The following ZNF385B variants were observed in gnomAD, a reference collection of about 807,000 sequenced individuals.
ZNF385B encodes zinc finger protein 385B, also known as zinc finger protein 533.
A neutral mutation model predicts 39.2 loss-of-function variants in ZNF385B; 23 were observed. The observed-to-expected ratio is 0.59, with a 90% CI of 0.42 to 0.83. The LOEUF is 0.83. Among genes scored for constraint, ZNF385B ranks in the 40% least tolerant of loss-of-function variants. The pLI, the probability that ZNF385B is intolerant of heterozygous loss-of-function variation, is 0.00. For synonymous variants in ZNF385B, 205 were observed against 222.6 expected, an observed-to-expected ratio of 0.92 and a Z score of 0.70; for missense variants, 552 against 598.9, an observed-to-expected ratio of 0.92 and a Z score of 0.82.
intron 3 of ZNF385B, among the ~76,000 whole-genome samples, chr2:179,659,533 G>A (rs1028056042): frequency 6.6e-6 from 1 of 151,498 alleles, no homozygotes; most frequent in African/African-American, 2.4e-5. Flanking sequence ...ATTTTATATT[G>A]TATAATATAC....
chr2:179,598,112 C>T (rs1688136845), intron 3 of ZNF385B, among the ~76,000 whole-genome samples: 1 of 152,020 alleles, frequency 6.6e-6, no homozygotes, highest in South Asian at 2.1e-4. Flanking sequence ...AGGATGAAGA[C>T]ATACTCAATG....
At chr2:179,822,496 C>T (rs1707458027) in intron 1 of ZNF385B, among the ~76,000 whole-genome samples, 2 of 152,124 alleles carry the variant, frequency 1.3e-5, no homozygotes, top group African/African-American at 4.8e-5. Context: ...GCAACATAGA[C>T]CTTGGTGGTC....
At chr2:179,746,389 T>C (rs565247922) in intron 3 of ZNF385B, among the ~76,000 whole-genome samples, 1 of 152,226 alleles carries the variant, frequency 6.6e-6, no homozygotes, top group East Asian at 1.9e-4. Context: ...CTATGACAAT[T>C]ATAACAAAAA....
intron 1 of ZNF385B, among the ~76,000 whole-genome samples, chr2:179,809,217 T>TAG (rs1157301400): frequency 6.6e-6 from 1 of 152,170 alleles, no homozygotes; most frequent in Non-Finnish European, 1.5e-5. Flanking sequence ...AAAAGTAATC[T>TAG]AATCTGAGAT....
chr2:179,860,525 G>T (rs1309932905), intron 1 of ZNF385B, among the ~76,000 whole-genome samples: 1 of 152,002 alleles, frequency 6.6e-6, no homozygotes, highest in Non-Finnish European at 1.5e-5. Flanking sequence ...GCGCTTAGTG[G>T]CCGAGGCCGC....
intron 1 of ZNF385B, among the ~76,000 whole-genome samples, chr2:179,812,973 A>C (rs989945717): frequency 1.3e-5 from 2 of 152,130 alleles, no homozygotes; most frequent in African/African-American, 2.4e-5. Context: ...AATAGTTTCC[A>C]TATTTTTATA....
At chr2:179,473,087 G>T (rs2052973680) in intron 6 of ZNF385B, among the ~76,000 whole-genome samples, 1 of 152,134 alleles carries the variant, frequency 6.6e-6, no homozygotes, top group Admixed American at 6.5e-5. Flanking sequence ...AGAGTGCCAG[G>T]GGCTGCAGGG....
At chr2:179,665,308 A>G (rs1695001317) in intron 3 of ZNF385B, among the ~76,000 whole-genome samples, 1 of 152,210 alleles carries the variant, frequency 6.6e-6, no homozygotes, top group Non-Finnish European at 1.5e-5. Context: ...TAATCTTTTC[A>G]CCTGTAGTAT....
intron 3 of ZNF385B, among the ~76,000 whole-genome samples, chr2:179,601,147 A>T (rs955233918): frequency 2.0e-5 from 3 of 152,208 alleles, no homozygotes; most frequent in African/African-American, 7.2e-5. Context: ...CAAACCTTTG[A>T]AATATATACA....
At chr2:179,807,344 T>C (rs1252567614) in intron 1 of ZNF385B, among the ~76,000 whole-genome samples, 1 of 152,176 alleles carries the variant, frequency 6.6e-6, no homozygotes, top group Non-Finnish European at 1.5e-5. Context: ...ACATCTATAA[T>C]CCCAGCACTT....
At chr2:179,522,174 G>A (rs956616643) in intron 4 of ZNF385B, among the ~76,000 whole-genome samples, 9 of 152,080 alleles carry the variant, frequency 5.9e-5, no homozygotes, top group Admixed American at 2.6e-4. Flanking sequence ...ACAAATACTC[G>A]AGTCATTTCA....
At position 179,630,426 on chromosome 2, in the gene ZNF385B, G is replaced by A. The variant is rs149479841; in HGVS notation, c.299-85457C>T. On this transcript the variant is annotated intron_variant, in intron 3 of 9. Coordinates refer to ENST00000410066, the MANE Select transcript of ZNF385B (RefSeq NM_152520.6). ...AAATGCCAACAGATCTGCAGCTGAG[G>A]GACCTGACTATTAGAAGGAAAACTA... Among the ~76,000 whole-genome samples, 946 of 152,286 alleles carry A rather than the reference G, an allele frequency of 6.2e-3. 8 individuals carry two copies. The highest frequency in any genetic ancestry group is 0.022 in the African/African-American group (914 of 41,564).
At chr2:179,493,175 T>A (rs543909023) in intron 5 of ZNF385B, among the ~76,000 whole-genome samples, 1 of 152,092 alleles carries the variant, frequency 6.6e-6, no homozygotes, top group Non-Finnish European at 1.5e-5. Context: ...TCAATGTGAA[T>A]TGTTTTAATT....
chr2:179,779,438 A>G (rs1420790433), intron 1 of ZNF385B, among the ~76,000 whole-genome samples: 4 of 152,252 alleles, frequency 2.6e-5, no homozygotes, highest in Non-Finnish European at 5.9e-5. Flanking sequence ...AGGCAATGTG[A>G]GCTGTCAGTC....
At chr2:179,706,136 C>G (rs768165004) in intron 3 of ZNF385B, among the ~76,000 whole-genome samples, 1 of 152,104 alleles carries the variant, frequency 6.6e-6, no homozygotes, top group African/African-American at 2.4e-5. Flanking sequence ...TTCTTATTTA[C>G]GGGGAATACC....
At chr2:179,570,028 A>T (rs1277128316) in intron 3 of ZNF385B, among the ~76,000 whole-genome samples, 3 of 152,160 alleles carry the variant, frequency 2.0e-5, no homozygotes, top group African/African-American at 7.2e-5. Flanking sequence ...TACTTGGCAA[A>T]TGAGGTATTC....
intron 3 of ZNF385B, among the ~76,000 whole-genome samples, chr2:179,762,279 T>C (rs1228254808): frequency 6.6e-6 from 1 of 152,118 alleles, no homozygotes; most frequent in Non-Finnish European, 1.5e-5. Flanking sequence ...AACCTCCACC[T>C]CCCAGGTTCA....
chr2:179,655,032 T>C (rs1266040548), intron 3 of ZNF385B, among the ~76,000 whole-genome samples: 1 of 152,186 alleles, frequency 6.6e-6, no homozygotes, highest in African/African-American at 2.4e-5. Context: ...GTGATGTTTG[T>C]CTACCCTGGA....
At chr2:179,465,464 C>T (rs2051890491) in intron 6 of ZNF385B, among the ~76,000 whole-genome samples, 1 of 152,156 alleles carries the variant, frequency 6.6e-6, no homozygotes, top group East Asian at 1.9e-4. Context: ...ACTCAACATG[C>T]CTGATACTGA....
Sources: gnomAD v4.1 joint callset for allele counts (sites outside exome capture counted in the v4.1 genomes callset) on GRCh38, gnomAD v4.1.1 for gene constraint, MANE v1.5 for transcripts, NCBI Gene and HGNC (gene_info 2026-07-23, HGNC 2026-07-21) for gene names.